The following KLF12 variants were observed in gnomAD, a reference collection of about 807,000 sequenced individuals.
KLF12 encodes the protein Krueppel-like factor 12.
KLF12 carries 9 observed loss-of-function variants against 37.8 expected under a neutral mutation model. That is an observed-to-expected ratio of 0.24 (90% CI 0.14 to 0.42). The LOEUF (loss-of-function observed/expected upper bound fraction) is 0.42. Ranked by LOEUF, KLF12 falls within the 10% of genes least tolerant of loss-of-function variation. The pLI is 1.00. For missense variants in KLF12, 411 were observed against 516.0 expected, an observed-to-expected ratio of 0.80 and a Z score of 1.97; for synonymous variants, 208 against 202.1, an observed-to-expected ratio of 1.03 and a Z score of -0.25.
At chr13:73,981,080 A>C (rs1891678041) in intron 2 of KLF12, among the ~76,000 whole-genome samples, 1 of 152,152 alleles carries the variant, frequency 6.6e-6, no homozygotes, top group Non-Finnish European at 1.5e-5. Flanking sequence ...GGATTGCTTG[A>C]GCCAGGGCAG....
chr13:73,811,422 T>A (rs1181967957), intron 5 of KLF12, among the ~76,000 whole-genome samples: 1 of 152,208 alleles, frequency 6.6e-6, no homozygotes, highest in Non-Finnish European at 1.5e-5. Context: ...ATCCTCAGTA[T>A]CTTCATTTAT....
At chr13:73,968,646 A>G (rs1033899792) in intron 2 of KLF12, among the ~76,000 whole-genome samples, 5 of 152,242 alleles carry the variant, frequency 3.3e-5, no homozygotes, top group South Asian at 2.1e-4. Context: ...AGTTTTCTAA[A>G]AGATGATGCT....
the KLF12 span, among the ~76,000 whole-genome samples, chr13:74,229,080 G>A: frequency 6.6e-6 from 1 of 152,134 alleles, no homozygotes; most frequent in Non-Finnish European, 1.5e-5. Context: ...ACCTTAAACA[G>A]TAAGACAAAC....
At chr13:73,776,562 G>A (rs753907816) in intron 5 of KLF12, among the ~76,000 whole-genome samples, 8 of 152,086 alleles carry the variant, frequency 5.3e-5, no homozygotes, top group African/African-American at 1.2e-4. Context: ...AAAATGCACC[G>A]GGACTCTCAC....
the KLF12 span, among the ~76,000 whole-genome samples, chr13:74,219,874 A>G: frequency 3.3e-5 from 5 of 152,164 alleles, no homozygotes; most frequent in African/African-American, 1.2e-4. Flanking sequence ...GGTTTTCTGC[A>G]GTTGTGCTCA....
At chr13:73,909,776 T>C (rs1315183773) in intron 3 of KLF12, among the ~76,000 whole-genome samples, 2 of 152,218 alleles carry the variant, frequency 1.3e-5, no homozygotes, top group African/African-American at 4.8e-5. Context: ...TTAATCTTCT[T>C]GGTGTTAACT....
chr13:73,926,877 C>A (rs1332658313), intron 3 of KLF12, among the ~76,000 whole-genome samples: 1 of 151,480 alleles, frequency 6.6e-6, no homozygotes, highest in Non-Finnish European at 1.5e-5. Flanking sequence ...ATCACATTCA[C>A]CCCATTTTAG....
intron 3 of KLF12, among the ~76,000 whole-genome samples, chr13:73,916,389 CAG>C (rs1300522063): frequency 6.6e-6 from 1 of 152,036 alleles, no homozygotes; most frequent in Non-Finnish European, 1.5e-5. Flanking sequence ...GCACAAGAAC[CAG>C]AGCTATCAAA....
chr13:73,976,302 G>T (rs935403806), intron 2 of KLF12, among the ~76,000 whole-genome samples: 2 of 152,026 alleles, frequency 1.3e-5, no homozygotes, highest in African/African-American at 2.4e-5. Flanking sequence ...ATGGATTTAG[G>T]AGCACGCCCC....
At chr13:74,121,042 C>T (rs1451390993) in intron 1 of KLF12, among the ~76,000 whole-genome samples, 1 of 151,938 alleles carries the variant, frequency 6.6e-6, no homozygotes, top group African/African-American at 2.4e-5. Context: ...CATTAAATTG[C>T]CAAAACACTC....
chr13:73,876,910 G>A (rs1886732740), intron 3 of KLF12, among the ~76,000 whole-genome samples: 1 of 151,828 alleles, frequency 6.6e-6, no homozygotes, highest in Admixed American at 6.6e-5. Context: ...AGCTACTCGG[G>A]AGGCTGAGGC....
intron 3 of KLF12, among the ~76,000 whole-genome samples, chr13:73,856,271 T>C (rs1402007642): frequency 1.3e-5 from 2 of 152,152 alleles, no homozygotes; most frequent in Non-Finnish European, 2.9e-5. Context: ...TGAGTTACAG[T>C]GACACGAAGA....
At chr13:73,927,514 C>G (rs1338088702) in intron 3 of KLF12, among the ~76,000 whole-genome samples, 1 of 152,156 alleles carries the variant, frequency 6.6e-6, no homozygotes, top group Non-Finnish European at 1.5e-5. Context: ...AGAGTCAGCT[C>G]TGTTTCCACC....
the KLF12 span, among the ~76,000 whole-genome samples, chr13:74,237,607 G>C: frequency 3.3e-5 from 5 of 149,966 alleles, no homozygotes; most frequent in African/African-American, 1.0e-4. Flanking sequence ...TTGTATCCTC[G>C]TTTATTTCCT....
In KLF12 at chr13:74,002,020, G is replaced by T. The variant is rs144520939; in HGVS notation, c.-31-6967C>A. ...GAAAGATCAATCAAAGGACTTAATA[G>T]ATTTGTTTTACTGACATGTTGACAT... On this transcript the variant is annotated intron_variant, in intron 1 of 7. Transcript: ENST00000377669. Among the ~76,000 whole-genome samples, 161 of 152,302 alleles carry T rather than the reference G, an allele frequency of 1.1e-3. 1 individual carries two copies. The highest frequency in any genetic ancestry group is 3.2e-3 in the African/African-American group (133 of 41,570).
chr13:73,777,898 G>T (rs1345715681), intron 5 of KLF12, among the ~76,000 whole-genome samples: 1 of 151,914 alleles, frequency 6.6e-6, no homozygotes, highest in East Asian at 1.9e-4. Context: ...TTGGGAGGCC[G>T]AGGCGGGCAG....
At chr13:74,065,386 G>A (rs1188237701) in intron 1 of KLF12, among the ~76,000 whole-genome samples, 2 of 152,110 alleles carry the variant, frequency 1.3e-5, no homozygotes, top group East Asian at 1.9e-4. Context: ...CCAGACACTT[G>A]TGTAACTATG....
At chr13:73,709,035 C>A (rs916538711) in intron 7 of KLF12, among the ~76,000 whole-genome samples, 11 of 152,192 alleles carry the variant, frequency 7.2e-5, no homozygotes, top group Admixed American at 5.2e-4. Flanking sequence ...CACAAGCAGG[C>A]ATTAATAAAC....
At chr13:73,978,268 GA>G (rs1014248674) in intron 2 of KLF12, among the ~76,000 whole-genome samples, 4 of 151,232 alleles carry the variant, frequency 2.6e-5, no homozygotes, top group Admixed American at 6.6e-5. Context: ...GCAAAGTTCA[GA>G]AAAAAAAGAG....
Sources: allele counts gnomAD v4.1 joint callset (sites outside exome capture counted in the v4.1 genomes callset), GRCh38; gene constraint gnomAD v4.1.1; transcripts MANE v1.5; gene names NCBI Gene and HGNC (gene_info 2026-07-23, HGNC 2026-07-21).